Variants in GALNT2 observed in about 807,000 individuals in gnomAD.
The protein encoded by GALNT2 is UDP-GalNAc:polypeptide N-acetylgalactosaminyltransferase 2.
Under a neutral mutation model 81.4 loss-of-function variants are expected in GALNT2, and 31 were observed. That is an observed-to-expected ratio of 0.38 (90% CI 0.29 to 0.51). GALNT2 has a LOEUF of 0.51. GALNT2 is among the 20% of genes least tolerant of loss of function. The pLI, the probability that GALNT2 is intolerant of heterozygous loss-of-function variation, is 0.87. For missense variants in GALNT2, 629 were observed against 765.7 expected, an observed-to-expected ratio of 0.82 and a Z score of 2.11; for synonymous variants, 303 against 287.4, an observed-to-expected ratio of 1.05 and a Z score of -0.55.
intron 1 of GALNT2, among the ~76,000 whole-genome samples, chr1:230,168,730 T>G (rs188563871): frequency 3.9e-5 from 6 of 152,346 alleles, no homozygotes; most frequent in African/African-American, 1.4e-4. Flanking sequence ...TACAGAAACA[T>G]GGGGAACATT....
chr1:230,226,277 A>T (rs1335462829), intron 3 of GALNT2, among the ~76,000 whole-genome samples: 1 of 152,146 alleles, frequency 6.6e-6, no homozygotes, highest in Non-Finnish European at 1.5e-5. Context: ...TTTTCTGTGG[A>T]TGAGGGCAAG....
At position 230,254,493 on chromosome 1, in the gene GALNT2, G is replaced by A. The variant is rs117695278; in HGVS notation, c.1010-725G>A. On this transcript the variant is annotated intron_variant, in intron 10 of 15. Coordinates refer to ENST00000366672, the MANE Select transcript of GALNT2 (RefSeq NM_004481.5). ...TCAATCAGTTACTTGACTGTCCTTG[G>A]TCACTACCATAGTCCATAAGGCAGT... Among the ~76,000 whole-genome samples the A allele has an allele frequency of 6.8e-4, 104 of 152,248 alleles. 2 individuals carry two copies. The East Asian group carries it at 0.016, about 24-fold the overall frequency.
At chr1:230,099,947 A>G (rs893961540) in intron 1 of GALNT2, among the ~76,000 whole-genome samples, 1 of 152,208 alleles carries the variant, frequency 6.6e-6, no homozygotes, top group Non-Finnish European at 1.5e-5. Flanking sequence ...TGTTGCGGGC[A>G]CAGCACCTGT....
rs529874141 is a variant in GALNT2 at position 230,137,141 on chromosome 1, C to G, written c.127-41077C>G. ...TGGACTGTTCCCACCCCCGCCTGCA[C>G]CCAATAAGCTTTGGGGGAGCCAAAT... On this transcript the variant is annotated intron_variant, in intron 1 of 15. Coordinates refer to ENST00000366672, the MANE Select transcript of GALNT2 (RefSeq NM_004481.5). Among the ~76,000 whole-genome samples, 11 of 152,344 alleles carry G rather than the reference C, an allele frequency of 7.2e-5. No individual in the cohort carries two copies. In the South Asian group the frequency reaches 2.3e-3, roughly 32 times the overall value.
intron 2 of GALNT2, among the ~76,000 whole-genome samples, chr1:230,194,385 C>G (rs1246976240): frequency 6.6e-6 from 1 of 152,202 alleles, no homozygotes; most frequent in Non-Finnish European, 1.5e-5. Flanking sequence ...CTTAGGGCCC[C>G]CTTCTCCTGC....
intron 1 of GALNT2, among the ~76,000 whole-genome samples, chr1:230,168,998 G>A (rs540082409): frequency 2.1e-4 from 32 of 152,184 alleles, no homozygotes; most frequent in Admixed American, 1.7e-3. Flanking sequence ...TGACCTTGAC[G>A]GTTTTGAGGA....
intron 1 of GALNT2, among the ~76,000 whole-genome samples, chr1:230,115,608 G>T (rs1251791787): frequency 1.3e-5 from 2 of 152,224 alleles, no homozygotes; most frequent in Non-Finnish European, 2.9e-5. Flanking sequence ...GCTGCTGACT[G>T]ATGACGGTGG....
Position 230,236,052 on chromosome 1 carries a change from C to T in GALNT2, c.413C>T (p.Thr138Ile). 1 of 1,613,832 alleles carries T rather than the reference C, an allele frequency of 6.2e-7. No individual in the cohort carries two copies. Among genetic ancestry groups the T allele is most frequent in the Non-Finnish European group, 8.5e-7 (1 of 1,179,976 alleles). ...CAGTGGCGGGTGGATCTGCCGGCCA[C>T]CAGCGTGGTGATCACGTTTCACAAT... is the stretch of plus-strand genomic sequence containing the variant. ...RKQWRVDLPA[T>I]SVVITFHNEA... Residue 138 changes from threonine to isoleucine, a missense_variant, in exon 4 of 16, where the codon ACC becomes ATC. By Grantham distance (89) the Thr-to-Ile change is moderately conservative. Coordinates refer to ENST00000366672, the MANE Select transcript of GALNT2 (RefSeq NM_004481.5).
intron 2 of GALNT2, among the ~76,000 whole-genome samples, chr1:230,191,123 A>G (rs571332458): frequency 1.2e-4 from 18 of 152,348 alleles, no homozygotes; most frequent in African/African-American, 4.1e-4. Flanking sequence ...CAGAAATGTA[A>G]TGGAGCTGTT....
At chr1:230,160,469 TG>T (rs1459261289) in intron 1 of GALNT2, among the ~76,000 whole-genome samples, 1 of 152,092 alleles carries the variant, frequency 6.6e-6, no homozygotes, top group South Asian at 2.1e-4. Context: ...CTTTCAGATG[TG>T]GGAGGCCAAG....
At chr1:230,082,750 G>T (rs934190754) in intron 1 of GALNT2, among the ~76,000 whole-genome samples, 7 of 152,262 alleles carry the variant, frequency 4.6e-5, no homozygotes, top group Non-Finnish European at 7.3e-5. Context: ...CAGCTGGGAT[G>T]ATAGAGCAGG....
At chr1:230,121,145 AC>A (rs1406669269) in intron 1 of GALNT2, among the ~76,000 whole-genome samples, 10 of 152,224 alleles carry the variant, frequency 6.6e-5, no homozygotes, top group African/African-American at 2.4e-4. Context: ...GCATAGAGCC[AC>A]TTCCTTGTTG....
intron 1 of GALNT2, among the ~76,000 whole-genome samples, chr1:230,090,495 C>T (rs1660038081): frequency 6.6e-6 from 1 of 151,334 alleles, no homozygotes; most frequent in Non-Finnish European, 1.5e-5. Flanking sequence ...GTAGTTAACT[C>T]TTAGGAGAAA....
At chr1:230,092,185 T>TGTTTTTTTTTTTTTTTTTTTTTTTG (rs371156205) in intron 1 of GALNT2, among the ~76,000 whole-genome samples, 15 of 114,232 alleles carry the variant, frequency 1.3e-4, no homozygotes, top group East Asian at 4.8e-4. Context: ...AGTTTTTTTT[T>TGTTTTTTTTTTTTTTTTTTTTTTTG]TTTTTTTTTT....
intron 8 of GALNT2, 149 bp from the exon 9 acceptor site, chr1:230,249,035 C>T: frequency 1.4e-6 from 1 of 718,228 alleles, no homozygotes; most frequent in South Asian, 1.9e-5. Context: ...GTCCCCTTCT[C>T]TCTCCTCCAC....
At chr1:230,258,075 C>G (rs1482456360) in intron 11 of GALNT2, among the ~76,000 whole-genome samples, 1 of 152,044 alleles carries the variant, frequency 6.6e-6, no homozygotes, top group Non-Finnish European at 1.5e-5. Flanking sequence ...CCACCATGCC[C>G]GGCTAATTTT....
At chr1:230,168,348 C>T (rs1414495249) in intron 1 of GALNT2, among the ~76,000 whole-genome samples, 2 of 152,220 alleles carry the variant, frequency 1.3e-5, no homozygotes, top group African/African-American at 2.4e-5. Context: ...AGTGGCATCC[C>T]TTGTGCTCGC....
intron 1 of GALNT2, among the ~76,000 whole-genome samples, chr1:230,136,486 C>T (rs915261311): frequency 6.6e-6 from 1 of 152,240 alleles, no homozygotes; most frequent in Non-Finnish European, 1.5e-5. Flanking sequence ...CGCGCTTTCT[C>T]TCCCGGATGT....
intron 1 of GALNT2, among the ~76,000 whole-genome samples, chr1:230,140,618 A>G (rs1224566165): frequency 6.6e-6 from 1 of 152,216 alleles, no homozygotes; most frequent in African/African-American, 2.4e-5. Flanking sequence ...ACGCGCTGCC[A>G]CAGCTGGAGG....
Sources: gnomAD v4.1 joint callset for allele counts (sites outside exome capture counted in the v4.1 genomes callset) on GRCh38, gnomAD v4.1.1 for gene constraint, MANE v1.5 for transcripts, NCBI Gene and HGNC (gene_info 2026-07-23, HGNC 2026-07-21) for gene names.